Variants in TMEM132C observed in about 807,000 individuals in gnomAD.
TMEM132C encodes the protein protein phosphatase 1, regulatory subunit 152.
In TMEM132C, 29 loss-of-function variants were observed where a neutral mutation model predicts 61.4. The ratio of observed to expected loss-of-function variants is 0.47; its 90% CI spans 0.35 to 0.64. The LOEUF (loss-of-function observed/expected upper bound fraction) is 0.64. TMEM132C is among the 30% of genes least tolerant of loss of function. TMEM132C has a pLI of 0.00. For missense variants in TMEM132C, 1,408 were observed against 1,476.9 expected (o/e 0.95, Z 0.76); for synonymous variants, 656 against 633.1 (o/e 1.04, Z -0.54).
chr12:128,607,442 C>T (rs1448744486), intron 3 of TMEM132C, among the ~76,000 whole-genome samples: 1 of 152,056 alleles, frequency 6.6e-6, no homozygotes, highest in Non-Finnish European at 1.5e-5. Flanking sequence ...ATTCTGGTTG[C>T]TGCATTGAGG....
At chr12:128,338,174 G>A (rs555716271) in intron 1 of TMEM132C, among the ~76,000 whole-genome samples, 21 of 151,906 alleles carry the variant, frequency 1.4e-4, no homozygotes, top group Admixed American at 2.0e-4. Flanking sequence ...CAGACGTAAA[G>A]TTGTCTCTTT....
At position 128,697,356 on chromosome 12, in the gene TMEM132C, A is replaced by G; in HGVS notation, c.2062A>G (p.Asn688Asp). The change falls in exon 8 of 9, where the codon AAC becomes GAC. Residue 688 changes from asparagine to aspartate, a missense_variant. Transcript: ENST00000435159. ...LSVALYPNAE[N>D]SKAVTAVVTA... ...TGTCGCCCTTTACCCCAACGCAGAAAACAGCAAGGCCGTAACAGCTGTGGT... is the reference window on the plus strand; with the variant it reads ...TGTCGCCCTTTACCCCAACGCAGAAGACAGCAAGGCCGTAACAGCTGTGGT... 1 of 1,551,262 alleles carries G rather than the reference A, an allele frequency of 6.4e-7. No homozygotes were observed. The highest frequency in any genetic ancestry group is 8.7e-7 in the Non-Finnish European group (1 of 1,146,706).
At chr12:128,622,211 G>T (rs1020237892) in intron 4 of TMEM132C, among the ~76,000 whole-genome samples, 3 of 150,980 alleles carry the variant, frequency 2.0e-5, no homozygotes, top group Non-Finnish European at 4.4e-5. Flanking sequence ...AGGCATGGCA[G>T]CACGTGCCTG....
At chr12:128,456,688 G>T (rs138594248) in intron 2 of TMEM132C, among the ~76,000 whole-genome samples, 1 of 151,954 alleles carries the variant, frequency 6.6e-6, no homozygotes. Context: ...GATTACAGGC[G>T]TGAGCCACCA....
At chr12:128,547,565 CAAAAAAAAA>C (rs34135152) in intron 3 of TMEM132C, among the ~76,000 whole-genome samples, 1 of 67,624 alleles carries the variant, frequency 1.5e-5, no homozygotes, top group Non-Finnish European at 3.3e-5. Context: ...CTCTGTCTCA[CAAAAAAAAA>C]AAAAAAAAAG....
chr12:128,544,039 A>G lies in TMEM132C; in HGVS notation c.1057A>G (p.Ser353Gly). 1 of 1,548,258 alleles carries G rather than the reference A, an allele frequency of 6.5e-7. No homozygotes were observed. ...GTGGGGCGTCAAGCAGGAGGTGGGC[A>G]GCGGCGGAAAGCACGTGACGGCCAC... ...RQWGVKQEVG[S>G]GGKHVTATVA... Residue 353 changes from serine to glycine, a missense_variant, in exon 3 of 9, where the codon AGC (serine) becomes GGC (glycine). Physicochemically the swap from Ser to Gly is moderately conservative, Grantham distance 56. Transcript: ENST00000435159.
At chr12:128,569,811 G>T (rs1266000043) in intron 3 of TMEM132C, among the ~76,000 whole-genome samples, 1 of 152,172 alleles carries the variant, frequency 6.6e-6, no homozygotes, top group African/African-American at 2.4e-5. Flanking sequence ...GTTAAATGAG[G>T]ATTGCTTACA....
chr12:128,303,267 A>G (rs1593003803), intron 1 of TMEM132C, among the ~76,000 whole-genome samples: 1 of 152,246 alleles, frequency 6.6e-6, no homozygotes, highest in South Asian at 2.1e-4. Context: ...AAAATTTATC[A>G]GTAAAAATGA....
rs139331957 is a variant in TMEM132C, at chr12:128,620,332, C to G, written c.1305+3997C>G. On this transcript the variant is annotated intron_variant, in intron 4 of 8. Transcript: ENST00000435159. ...TTCATTGCTGCATATCCTCAGAGGA[C>G]AGCAGTCAACAGACAAAGTTTGCCT... Among the ~76,000 whole-genome samples the G allele has an allele frequency of 3.9e-3, 598 of 151,612 alleles. 8 individuals carry two copies. Among genetic ancestry groups the G allele is most frequent in the African/African-American group, 0.014 (582 of 41,312 alleles).
At chr12:128,492,130 T>C (rs1476407494) in intron 2 of TMEM132C, among the ~76,000 whole-genome samples, 4 of 152,164 alleles carry the variant, frequency 2.6e-5, no homozygotes, top group African/African-American at 9.7e-5. Context: ...AATAGTTTGC[T>C]GAGAATGATG....
chr12:128,551,638 G>C (rs1220233246), intron 3 of TMEM132C, among the ~76,000 whole-genome samples: 1 of 152,206 alleles, frequency 6.6e-6, no homozygotes, highest in African/African-American at 2.4e-5. Flanking sequence ...ATGCTTCTGT[G>C]TCTGCAGGGA....
chr12:128,666,513 A>G (rs906929878), intron 4 of TMEM132C, among the ~76,000 whole-genome samples: 2 of 152,264 alleles, frequency 1.3e-5, no homozygotes, highest in East Asian at 1.9e-4. Flanking sequence ...TCAACAGTCG[A>G]AAAGATAGAT....
chr12:128,289,151 T>C (rs1871171684), intron 1 of TMEM132C: 1 of 33,498 alleles, frequency 3.0e-5, no homozygotes, highest in South Asian at 3.5e-3. Flanking sequence ...AATGCATACA[T>C]GCACGCTCAT....
intron 4 of TMEM132C, among the ~76,000 whole-genome samples, chr12:128,646,223 T>A (rs894330329): frequency 3.3e-5 from 5 of 151,964 alleles, no homozygotes; most frequent in African/African-American, 1.2e-4. Context: ...TGAGTGTGTT[T>A]ACTGGAGTCC....
intron 2 of TMEM132C, among the ~76,000 whole-genome samples, chr12:128,526,378 C>T (rs532069888): frequency 5.9e-5 from 9 of 152,120 alleles, no homozygotes; most frequent in Admixed American, 1.3e-4. Context: ...TGTGTCTTCA[C>T]GAGGTGGAGT....
At chr12:128,525,334 C>CTG (rs1383196706) in intron 2 of TMEM132C, among the ~76,000 whole-genome samples, 41 of 148,194 alleles carry the variant, frequency 2.8e-4, no homozygotes, top group Non-Finnish European at 5.7e-4. Context: ...CTCTCTCTCT[C>CTG]TCTCTCTCTT....
At chr12:128,482,061 A>G (rs1332312208) in intron 2 of TMEM132C, among the ~76,000 whole-genome samples, 1 of 152,154 alleles carries the variant, frequency 6.6e-6, no homozygotes. Flanking sequence ...ATTTTGAGAT[A>G]CGTTCCATTA....
intron 2 of TMEM132C, among the ~76,000 whole-genome samples, chr12:128,436,232 G>C (rs935437525): frequency 5.9e-5 from 9 of 152,180 alleles, no homozygotes; most frequent in African/African-American, 2.2e-4. Context: ...TCAGGACATA[G>C]GCATGGGCAA....
intron 1 of TMEM132C, among the ~76,000 whole-genome samples, chr12:128,389,883 A>G (rs1329861744): frequency 1.3e-5 from 2 of 152,130 alleles, no homozygotes; most frequent in Non-Finnish European, 2.9e-5. Context: ...GTATTGTTTC[A>G]TTGTGTTTTG....
Sources: gnomAD v4.1 joint callset for allele counts (sites outside exome capture counted in the v4.1 genomes callset) on GRCh38, gnomAD v4.1.1 for gene constraint, MANE v1.5 for transcripts, NCBI Gene and HGNC (gene_info 2026-07-23, HGNC 2026-07-21) for gene names.